Variants in SLFN12L observed in about 807,000 individuals in gnomAD.
SLFN12L encodes the protein schlafen family member 12 like, also known as schlafen family member 12-like.
A neutral mutation model predicts 34.8 loss-of-function variants in SLFN12L; 34 were observed. The ratio of observed to expected loss-of-function variants is 0.98; its 90% CI spans 0.74 to 1.30. SLFN12L has a LOEUF of 1.30. Ranked by LOEUF, SLFN12L falls within the 50% of genes most tolerant of loss-of-function variation. The pLI, the probability that SLFN12L is intolerant of heterozygous loss-of-function variation, is 0.00. For synonymous variants in SLFN12L, 259 were observed against 247.5 expected (o/e 1.05, Z -0.44); for missense variants, 703 against 696.2 (o/e 1.01, Z -0.11).
intron 3 of SLFN12L, 91 bp downstream of exon 3, chr17:35,479,026 T>A: frequency 9.9e-7 from 1 of 1,007,150 alleles, no homozygotes; most frequent in Non-Finnish European, 1.4e-6. Flanking sequence ...ATTTGAAGAC[T>A]TTTAATCTTG....
intron 2 of SLFN12L, among the ~76,000 whole-genome samples, chr17:35,518,370 G>A (rs538821536): frequency 3.3e-5 from 5 of 152,038 alleles, no homozygotes; most frequent in African/African-American, 4.8e-5. Context: ...TGGCCAACAC[G>A]GTGAAACCCC....
chr17:35,530,068 C>A (rs929075559), intron 1 of SLFN12L, among the ~76,000 whole-genome samples: 7 of 149,436 alleles, frequency 4.7e-5, no homozygotes, highest in Admixed American at 4.7e-4. Flanking sequence ...TAAACGTCAT[C>A]TGTCACGTCT....
chr17:35,491,174 T>C, intron 2 of SLFN12L: 1 of 870,754 alleles, frequency 1.1e-6, no homozygotes, highest in Admixed American at 2.1e-5. Flanking sequence ...GAGGAAGGCA[T>C]CAGCGATCTC....
chr17:35,490,987 T>C, intron 2 of SLFN12L: 1 of 787,274 alleles, frequency 1.3e-6, no homozygotes, highest in Non-Finnish European at 2.3e-6. Flanking sequence ...ATTGCTCAAT[T>C]TCTATGGGAA....
rs1216705890 is a variant in SLFN12L at position 35,530,362 on chromosome 17, AAAGGAAGGAAGG to A, written c.-606+7199_-606+7210del. Among the ~76,000 whole-genome samples the A allele has an allele frequency of 4.5e-4, 38 of 85,010 alleles. 1 individual carries two copies. Among genetic ancestry groups the A allele is most frequent in the African/African-American group, 7.8e-4 (17 of 21,682 alleles). The allele number at this position is 85,010 out of a possible 152,430, so 55.8% of individuals were successfully genotyped here. A position where few individuals can be genotyped will look rare whatever the true frequency, so the allele number is the denominator to read the frequency against. On this transcript the variant is annotated intron_variant, in intron 1 of 4. Coordinates refer to ENST00000628453, the MANE Select transcript of SLFN12L (RefSeq NM_001363830.2). ...CTCTGTCAGAAAAAAAAAGAGAAAG[AAAGGAAGGAAGG>A]AAGGAAGGAAGGAAGGAAGGAAGGA...
intron 2 of SLFN12L, among the ~76,000 whole-genome samples, chr17:35,491,495 T>G (rs1597847812): frequency 6.6e-6 from 1 of 152,350 alleles, no homozygotes; most frequent in Non-Finnish European, 1.5e-5. Flanking sequence ...CCTGGCTAGG[T>G]CAGCAAGTGA....
intron 1 of SLFN12L, among the ~76,000 whole-genome samples, chr17:35,536,513 G>A (rs1006418819): frequency 1.1e-4 from 17 of 151,896 alleles, no homozygotes; most frequent in Admixed American, 2.6e-4. Flanking sequence ...TATATATTAC[G>A]AAAAACAAAA....
intron 1 of SLFN12L, among the ~76,000 whole-genome samples, chr17:35,533,616 G>C (rs141153171): frequency 2.5e-4 from 38 of 152,312 alleles, no homozygotes; most frequent in Non-Finnish European, 4.4e-4. Context: ...GGTGAAGAAG[G>C]GGGGGAAGAA....
chr17:35,517,080 C>T (rs1033244059), intron 2 of SLFN12L, among the ~76,000 whole-genome samples: 1 of 152,112 alleles, frequency 6.6e-6, no homozygotes, highest in Non-Finnish European at 1.5e-5. Flanking sequence ...AGTGACATCC[C>T]GCAAAAGCCA....
chr17:35,501,379 A>G (rs1915290686), intron 2 of SLFN12L, among the ~76,000 whole-genome samples: 1 of 152,234 alleles, frequency 6.6e-6, no homozygotes, highest in African/African-American at 2.4e-5. Context: ...ATTTTAGTGG[A>G]AGCATGGCCT....
chr17:35,516,735 A>C (rs542218397), intron 2 of SLFN12L, among the ~76,000 whole-genome samples: 87 of 152,388 alleles, frequency 5.7e-4, no homozygotes, highest in African/African-American at 2.0e-3. Context: ...ACCTATTTTA[A>C]TGATCCATAT....
intron 2 of SLFN12L, among the ~76,000 whole-genome samples, chr17:35,515,645 T>C (rs1915799580): frequency 7.0e-6 from 1 of 142,246 alleles, no homozygotes; most frequent in East Asian, 2.1e-4. Context: ...TTTTTTTTTT[T>C]TTTTTTTTTT....
At chr17:35,489,593 A>G (rs574619279) in intron 2 of SLFN12L, among the ~76,000 whole-genome samples, 2 of 152,198 alleles carry the variant, frequency 1.3e-5, no homozygotes, top group Non-Finnish European at 2.9e-5. Flanking sequence ...TGAATGCAGC[A>G]ATATACCCCC....
intron 1 of SLFN12L, among the ~76,000 whole-genome samples, chr17:35,529,979 A>C (rs1410471904): frequency 6.6e-6 from 1 of 151,988 alleles, no homozygotes; most frequent in Non-Finnish European, 1.5e-5. Context: ...GCTCAGAAAC[A>C]TTAATTAACT....
intron 2 of SLFN12L, among the ~76,000 whole-genome samples, chr17:35,502,424 A>C (rs1005830279): frequency 4.8e-5 from 7 of 146,752 alleles, no homozygotes; most frequent in African/African-American, 1.8e-4. Context: ...AGGAAAAAAA[A>C]AAAAAAAAAA....
At chr17:35,503,250 G>A (rs1335019547) in intron 2 of SLFN12L, among the ~76,000 whole-genome samples, 3 of 152,156 alleles carry the variant, frequency 2.0e-5, no homozygotes, top group Admixed American at 2.0e-4. Context: ...AATTCTGTGT[G>A]TAAATATATT....
intron 2 of SLFN12L, chr17:35,487,852 C>A (rs1382385327): frequency 2.5e-6 from 3 of 1,203,564 alleles, no homozygotes; most frequent in Non-Finnish European, 3.6e-6. Context: ...GGGCACTCGA[C>A]TCCCCGGAAG....
chr17:35,533,032 A>G (rs937958929), intron 1 of SLFN12L, among the ~76,000 whole-genome samples: 1 of 152,230 alleles, frequency 6.6e-6, no homozygotes, highest in Admixed American at 6.5e-5. Flanking sequence ...TATGGTGATC[A>G]ATAATATTTT....
Position 35,490,442 on chromosome 17 carries a change from C to T in SLFN12L, c.87-10247G>A, listed in dbSNP as rs1306025771. ...GGGGTCTTGGTTTTGAACAAGGCAG[C>T]GGAAGTGCTAAAAGTGCAAAATAGA... On this transcript the variant is annotated intron_variant, in intron 2 of 4. Transcript: ENST00000628453. 5 of 1,125,176 alleles carry T rather than the reference C, an allele frequency of 4.4e-6. No individual in the cohort carries two copies. In the African/African-American group the frequency reaches 6.0e-5, roughly 14 times the overall value. 69.7% of individuals were successfully genotyped at this position (1,125,176 alleles called of 1,614,324 possible). A position where few individuals can be genotyped will look rare whatever the true frequency, so the allele number is the denominator to read the frequency against.
Sources: allele counts gnomAD v4.1 joint callset (sites outside exome capture counted in the v4.1 genomes callset), GRCh38; gene constraint gnomAD v4.1.1; transcripts MANE v1.5; gene names NCBI Gene and HGNC (gene_info 2026-07-23, HGNC 2026-07-21).